Variants in R3HCC1L observed in about 807,000 individuals in gnomAD.
R3HCC1L encodes the protein R3H domain and coiled-coil containing 1 like, also known as coiled-coil domain-containing protein R3HCC1L.
R3HCC1L carries 51 observed loss-of-function variants against 59.9 expected under a neutral mutation model. The observed-to-expected ratio is 0.85, with a 90% CI of 0.68 to 1.07. The LOEUF (loss-of-function observed/expected upper bound fraction) is 1.07, where lower values mean the gene tolerates loss of function less well. R3HCC1L is among the 50% of genes least tolerant of loss of function. R3HCC1L has a pLI of 0.00. For synonymous variants in R3HCC1L, 322 were observed against 315.2 expected, an observed-to-expected ratio of 1.02 and a Z score of -0.23; for missense variants, 965 against 933.0, an observed-to-expected ratio of 1.03 and a Z score of -0.45.
chr10:98,153,924 AAGAG>A, intron 1 of R3HCC1L, among the ~76,000 whole-genome samples: 1 of 152,324 alleles, frequency 6.6e-6, no homozygotes, highest in Admixed American at 6.5e-5. Context: ...TTTAGGGTCT[AAGAG>A]AGCTACTAGC....
In R3HCC1L at chr10:98,244,152, A is replaced by G. The variant is rs1165031715; in HGVS notation, c.2331A>G (p.Thr777=). 1 of 1,613,792 alleles carries G rather than the reference A, an allele frequency of 6.2e-7. No homozygotes were observed. Among genetic ancestry groups the G allele is most frequent in the Non-Finnish European group, 8.5e-7 (1 of 1,179,678 alleles). ...EDIWEGRDQS[T]V ...TCTGGGAAGGCAGAGACCAGTCTACAGTTTGAACATCACTCAATGAAAGGG... is the reference window on the plus strand; with the variant it reads ...TCTGGGAAGGCAGAGACCAGTCTACGGTTTGAACATCACTCAATGAAAGGG... Residue 777 remains threonine, a synonymous_variant, in exon 10 of 10, where the codon ACA becomes ACG. Transcript: ENST00000298999.
intron 5 of R3HCC1L, among the ~76,000 whole-genome samples, chr10:98,220,745 A>C (rs920107029): frequency 2.6e-5 from 4 of 151,908 alleles, no homozygotes; most frequent in Non-Finnish European, 5.9e-5. Flanking sequence ...TCCATGGTGT[A>C]TATGTGCCAC....
At position 98,147,219 on chromosome 10, in the gene R3HCC1L, A is replaced by G. The variant is rs898813797; in HGVS notation, c.-267-8874A>G. 8.5e-5 allele frequency among the ~76,000 whole-genome samples: 13 copies of G among 152,234 alleles called. No individual in the cohort carries two copies. In the East Asian group the frequency reaches 2.5e-3, roughly 29 times the overall value. On this transcript the variant is annotated intron_variant, in intron 1 of 9. Transcript: ENST00000298999. Reference sequence around the variant, plus strand: ...CCGTTTGAATGTCATCTTTTGAAACATCTATTCAGATCTTTTGCCTGTTTT... The same window carrying G: ...CCGTTTGAATGTCATCTTTTGAAACGTCTATTCAGATCTTTTGCCTGTTTT...
intron 4 of R3HCC1L, among the ~76,000 whole-genome samples, chr10:98,203,944 T>TA (rs1852329103): frequency 6.6e-6 from 1 of 152,210 alleles, no homozygotes; most frequent in African/African-American, 2.4e-5. Context: ...TCTGAATTTT[T>TA]ATCCCCTTTA....
intron 5 of R3HCC1L, among the ~76,000 whole-genome samples, chr10:98,222,622 C>T (rs1657473045): frequency 6.6e-6 from 1 of 152,112 alleles, no homozygotes; most frequent in African/African-American, 2.4e-5. Flanking sequence ...GCTTTTTCTG[C>T]ATCTATTGAG....
intron 4 of R3HCC1L, among the ~76,000 whole-genome samples, chr10:98,171,730 T>G (rs1002700330): frequency 2.0e-5 from 3 of 152,190 alleles, no homozygotes; most frequent in African/African-American, 7.2e-5. Flanking sequence ...GTCATGAAGC[T>G]GGAGTCAGAA....
chr10:98,166,432 C>T (rs1002211683), intron 4 of R3HCC1L, among the ~76,000 whole-genome samples: 6 of 152,184 alleles, frequency 3.9e-5, no homozygotes, highest in Admixed American at 3.9e-4. Flanking sequence ...TCCAAAATAA[C>T]ACTCTGACTT....
At chr10:98,182,451 C>T (rs544518621) in intron 4 of R3HCC1L, among the ~76,000 whole-genome samples, 7 of 152,142 alleles carry the variant, frequency 4.6e-5, no homozygotes, top group Non-Finnish European at 1.0e-4. Context: ...TGTCAGTCGG[C>T]CCCTCCTGGG....
intron 5 of R3HCC1L, among the ~76,000 whole-genome samples, chr10:98,225,967 A>T (rs1855627635): frequency 6.6e-6 from 1 of 151,854 alleles, no homozygotes; most frequent in Non-Finnish European, 1.5e-5. Flanking sequence ...CAGCACTCCC[A>T]CCCTGAGTAG....
intron 1 of R3HCC1L, among the ~76,000 whole-genome samples, chr10:98,136,977 G>A (rs1427900773): frequency 6.6e-6 from 1 of 152,200 alleles, no homozygotes; most frequent in African/African-American, 2.4e-5. Context: ...TTGGGAGGCC[G>A]ACGTGGGCAG....
intron 4 of R3HCC1L, among the ~76,000 whole-genome samples, chr10:98,164,098 T>C (rs1392698714): frequency 1.3e-5 from 2 of 152,144 alleles, no homozygotes; most frequent in Non-Finnish European, 1.5e-5. Context: ...GGGTGATAGC[T>C]TTAGGGGTAA....
At chr10:98,219,337 A>G (rs936281445) in intron 5 of R3HCC1L, among the ~76,000 whole-genome samples, 4 of 152,224 alleles carry the variant, frequency 2.6e-5, no homozygotes, top group African/African-American at 9.6e-5. Context: ...ATATGTGTCT[A>G]CAGGTGAAAT....
chr10:98,215,386 TCTC>T (rs1282451906), intron 5 of R3HCC1L, among the ~76,000 whole-genome samples: 1 of 150,302 alleles, frequency 6.7e-6, no homozygotes, highest in Non-Finnish European at 1.5e-5. Flanking sequence ...TTGAAACAAC[TCTC>T]CTAATTAGAC....
intron 2 of R3HCC1L, among the ~76,000 whole-genome samples, chr10:98,161,236 G>T (rs569554674): frequency 2.0e-5 from 3 of 152,152 alleles, no homozygotes; most frequent in Non-Finnish European, 4.4e-5. Flanking sequence ...GTAAGAAATA[G>T]TATCTCAATA....
chr10:98,237,069 C>T (rs1857044575), intron 9 of R3HCC1L, among the ~76,000 whole-genome samples: 1 of 152,212 alleles, frequency 6.6e-6, no homozygotes, highest in Non-Finnish European at 1.5e-5. Flanking sequence ...TAGCAGGCAG[C>T]TTGCGGACTC....
In R3HCC1L at chr10:98,244,536, C is replaced by A; in HGVS notation, c.*378C>A. Reference sequence around the variant, plus strand: ...GCAAGTATGGGAGATTTAGGCCCTGCAGAGGCAGACCATTCCTTAGTATCT... The same window carrying A: ...GCAAGTATGGGAGATTTAGGCCCTGAAGAGGCAGACCATTCCTTAGTATCT... On this transcript the variant is annotated 3_prime_UTR_variant, in exon 10 of 10. Transcript: ENST00000298999. 1 of 189,032 alleles carries A rather than the reference C, an allele frequency of 5.3e-6. No individual in the cohort carries two copies. 11.7% of individuals were successfully genotyped at this position (189,032 alleles called of 1,614,324 possible).
At chr10:98,149,824 C>T (rs1845976093) in intron 1 of R3HCC1L, among the ~76,000 whole-genome samples, 1 of 152,172 alleles carries the variant, frequency 6.6e-6, no homozygotes, top group East Asian at 1.9e-4. Context: ...AAATGTCAGG[C>T]TGATTTCTTC....
chr10:98,187,010 A>G (rs1310648147), intron 4 of R3HCC1L, among the ~76,000 whole-genome samples: 1 of 152,064 alleles, frequency 6.6e-6, no homozygotes, highest in Non-Finnish European at 1.5e-5. Context: ...TAATAATTAT[A>G]TACACCTTGA....
At chr10:98,148,747 G>A (rs1845889316) in intron 1 of R3HCC1L, among the ~76,000 whole-genome samples, 1 of 152,068 alleles carries the variant, frequency 6.6e-6, no homozygotes, top group Non-Finnish European at 1.5e-5. Context: ...CTTGATCATG[G>A]GGAATTATCT....
Sources: gnomAD v4.1 joint callset for allele counts (sites outside exome capture counted in the v4.1 genomes callset) on GRCh38, gnomAD v4.1.1 for gene constraint, MANE v1.5 for transcripts, NCBI Gene and HGNC (gene_info 2026-07-23, HGNC 2026-07-21) for gene names.